The following SPRED2 variants were observed in gnomAD, a reference collection of about 807,000 sequenced individuals.
SPRED2 encodes the protein sprouty-related, EVH1 domain-containing protein 2.
SPRED2 carries 47 observed loss-of-function variants against 43.0 expected under a neutral mutation model. The ratio of observed to expected loss-of-function variants is 1.09; its 90% confidence interval spans 0.87 to 1.40. The LOEUF (loss-of-function observed/expected upper bound fraction) is 1.40, where lower values mean the gene tolerates loss of function less well. Among genes scored for constraint, SPRED2 ranks in the 40% most tolerant of loss-of-function variants. The pLI, the probability that SPRED2 is intolerant of heterozygous loss-of-function variation, is 0.00. For synonymous variants in SPRED2, 225 were observed against 225.7 expected, an observed-to-expected ratio of 1.00 and a Z score of 0.03; for missense variants, 561 against 586.4, an observed-to-expected ratio of 0.96 and a Z score of 0.45.
intron 1 of SPRED2, among the ~76,000 whole-genome samples, chr2:65,418,023 C>A (rs1053885351): frequency 2.0e-5 from 3 of 152,218 alleles, no homozygotes; most frequent in South Asian, 2.1e-4. Flanking sequence ...TCTTCCCCAA[C>A]AACTATCTCT....
rs70943648 is a variant in SPRED2, at chr2:65,391,195, T to TACACACACAC, written c.26+40757_26+40766dup. 6.5e-3 allele frequency among the ~76,000 whole-genome samples: 944 copies of TACACACACAC among 145,614 alleles called. 4 individuals are homozygous for TACACACACAC. The highest frequency in any genetic ancestry group is 8.4e-3 in the Non-Finnish European group (561 of 66,524). ...ATGGGCACAACCTCACCTTAATGTG[T>TACACACACAC]ACACACACACACACACACACACACA... On this transcript the variant is annotated intron_variant, in intron 1 of 5. Coordinates refer to ENST00000356388, the MANE Select transcript of SPRED2 (RefSeq NM_181784.3).
chr2:65,311,349 C>A lies in SPRED2; in HGVS notation c.*2152G>T. On this transcript the variant is annotated 3_prime_UTR_variant, in exon 6 of 6. Transcript: ENST00000356388. ...AAAAGTATACGTGGAGTAAGATCTG[C>A]TAGCGTAACTCTTAAAAGGGTGGAA... The A allele has an allele frequency of 1.0e-6, 1 of 985,666 alleles. No individual in the cohort carries two copies. The highest frequency in any genetic ancestry group is 1.2e-6 in the Non-Finnish European group (1 of 829,884). 61.1% of individuals were successfully genotyped at this position (985,666 alleles called of 1,614,324 possible). A position where few individuals can be genotyped will look rare whatever the true frequency, so the allele number is the denominator to read the frequency against.
intron 1 of SPRED2, among the ~76,000 whole-genome samples, chr2:65,420,521 T>A (rs1676399354): frequency 6.6e-6 from 1 of 152,270 alleles, no homozygotes; most frequent in Non-Finnish European, 1.5e-5. Flanking sequence ...CACTGACAAG[T>A]GATGGATAAT....
chr2:65,404,231 A>G (rs1245209928), intron 1 of SPRED2, among the ~76,000 whole-genome samples: 1 of 152,104 alleles, frequency 6.6e-6, no homozygotes, highest in Non-Finnish European at 1.5e-5. Context: ...AAGAAAGAAA[A>G]AGAAGAAACA....
chr2:65,310,458 T>TACACACACACACACAC (rs55916427), downstream of SPRED2, among the ~76,000 whole-genome samples: 3 of 137,894 alleles, frequency 2.2e-5, no homozygotes, highest in African/African-American at 5.3e-5. Flanking sequence ...TCCTCCAAAC[T>TACACACACACACACAC]ACACACACAC....
chr2:65,342,577 A>C (rs1674227112), intron 2 of SPRED2, among the ~76,000 whole-genome samples: 1 of 152,114 alleles, frequency 6.6e-6, no homozygotes, highest in African/African-American at 2.4e-5. Context: ...AAGTCATAAA[A>C]ATATGACCTC....
At chr2:65,345,227 AAG>A (rs2104268681) in intron 1 of SPRED2, among the ~76,000 whole-genome samples, 1 of 151,862 alleles carries the variant, frequency 6.6e-6, no homozygotes, top group East Asian at 1.9e-4. Flanking sequence ...TTAGGTTGGA[AAG>A]ACACACACCT....
chr2:65,317,913 C>T (rs934227159), intron 4 of SPRED2, among the ~76,000 whole-genome samples: 5 of 152,030 alleles, frequency 3.3e-5, no homozygotes, highest in Admixed American at 6.5e-5. Context: ...CTGGAGTCTC[C>T]GTAACCATGT....
chr2:65,363,434 A>G (rs182133063), intron 1 of SPRED2, among the ~76,000 whole-genome samples: 5 of 152,234 alleles, frequency 3.3e-5, no homozygotes, highest in Admixed American at 3.3e-4. Context: ...CCATTTGTAC[A>G]TTTAGGAGTT....
rs547083433 is a variant in SPRED2, at chr2:65,370,296, C to T, written c.27-25400G>A. Among the ~76,000 whole-genome samples, 3 of 150,662 alleles carry T rather than the reference C, an allele frequency of 2.0e-5. No homozygotes were observed. The South Asian group carries it at 6.4e-4, about 32-fold the overall frequency. ...AAGTACTTAGCATAGAGCCTGGCCA[C>T]ATACAGAACACTCATCAATTTATGT... On this transcript the variant is annotated intron_variant, in intron 1 of 5. Transcript: ENST00000356388.
At chr2:65,321,249 C>T (rs1673400762) in intron 4 of SPRED2, among the ~76,000 whole-genome samples, 1 of 152,076 alleles carries the variant, frequency 6.6e-6, no homozygotes, top group Admixed American at 6.5e-5. Context: ...GCCATCTGGC[C>T]CCAGCTGACA....
intron 1 of SPRED2, among the ~76,000 whole-genome samples, chr2:65,351,514 A>G (rs1371120711): frequency 2.6e-5 from 4 of 152,148 alleles, no homozygotes; most frequent in African/African-American, 7.2e-5. Context: ...CCAAGATCCC[A>G]GCCTCTCCAG....
chr2:65,418,260 T>C (rs1365771873), intron 1 of SPRED2, among the ~76,000 whole-genome samples: 1 of 152,198 alleles, frequency 6.6e-6, no homozygotes, highest in Admixed American at 6.5e-5. Flanking sequence ...TCCAAATACG[T>C]GCTTTGTCAG....
At chr2:65,411,608 T>G (rs1209905972) in intron 1 of SPRED2, among the ~76,000 whole-genome samples, 1 of 152,208 alleles carries the variant, frequency 6.6e-6, no homozygotes, top group East Asian at 1.9e-4. Context: ...TTAATTGGCT[T>G]CTATCTTAGT....
intron 1 of SPRED2, among the ~76,000 whole-genome samples, chr2:65,366,414 G>A (rs996795754): frequency 2.0e-5 from 3 of 152,168 alleles, no homozygotes; most frequent in Non-Finnish European, 2.9e-5. Context: ...ACAGACCAGA[G>A]GTTACCTATC....
chr2:65,423,316 A>C (rs1676480890), intron 1 of SPRED2, among the ~76,000 whole-genome samples: 1 of 152,228 alleles, frequency 6.6e-6, no homozygotes, highest in Non-Finnish European at 1.5e-5. Context: ...ATGGCAGGGG[A>C]GCCAAGGATG....
chr2:65,335,470 C>T (rs1296118707), intron 2 of SPRED2, among the ~76,000 whole-genome samples: 1 of 152,172 alleles, frequency 6.6e-6, no homozygotes, highest in Non-Finnish European at 1.5e-5. Context: ...GTAGATTGAT[C>T]TTTTTATCTC....
intron 1 of SPRED2, among the ~76,000 whole-genome samples, chr2:65,349,886 C>A (rs920580320): frequency 1.3e-5 from 2 of 152,198 alleles, no homozygotes; most frequent in African/African-American, 4.8e-5. Context: ...GGGGCAGAAG[C>A]CCCCTTTGTC....
chr2:65,352,572 G>C (rs986990169), intron 1 of SPRED2, among the ~76,000 whole-genome samples: 2 of 152,228 alleles, frequency 1.3e-5, no homozygotes, highest in South Asian at 2.1e-4. Context: ...AGCTAATCTT[G>C]CTCGTGCAGA....
Sources: gnomAD v4.1 joint callset for allele counts (sites outside exome capture counted in the v4.1 genomes callset) on GRCh38, gnomAD v4.1.1 for gene constraint, MANE v1.5 for transcripts, NCBI Gene and HGNC (gene_info 2026-07-23, HGNC 2026-07-21) for gene names.